GALNT17: variants seen among roughly 807,000 people sequenced by gnomAD.
GALNT17 encodes the protein UDP-GalNAc:polypeptide N-acetylgalactosaminyltransferase-like 3.
Under a neutral mutation model 63.7 loss-of-function variants are expected in GALNT17, and 29 were observed. That is an observed-to-expected ratio of 0.46 (90% CI 0.34 to 0.62). GALNT17 has a LOEUF of 0.62. Among genes scored for constraint, GALNT17 ranks in the 20% least tolerant of loss-of-function variants. The pLI is 0.01. For missense variants in GALNT17, 603 were observed against 799.6 expected (o/e 0.75, Z 2.97); for synonymous variants, 305 against 318.3 (o/e 0.96, Z 0.45).
intron 6 of GALNT17, 41 bp from the exon 7 acceptor site, chr7:71,665,370 G>A: frequency 6.4e-7 from 1 of 1,571,232 alleles, no homozygotes; most frequent in Non-Finnish European, 8.6e-7. Flanking sequence ...ATAGCCTCTG[G>A]GAATTTCTTT....
At chr7:71,436,592 G>A (rs868314441) in intron 5 of GALNT17, among the ~76,000 whole-genome samples, 13 of 151,880 alleles carry the variant, frequency 8.6e-5, no homozygotes, top group South Asian at 2.1e-4. Flanking sequence ...CGTGGCGGGC[G>A]CCTGTAGTCC....
intron 4 of GALNT17, among the ~76,000 whole-genome samples, chr7:71,420,451 T>G (rs1786641307): frequency 6.6e-6 from 1 of 152,074 alleles, no homozygotes; most frequent in African/African-American, 2.4e-5. Flanking sequence ...CGGGCAGAAG[T>G]GACCTATTTT....
At chr7:71,447,571 G>C (rs1227199114) in intron 5 of GALNT17, among the ~76,000 whole-genome samples, 1 of 152,120 alleles carries the variant, frequency 6.6e-6, no homozygotes, top group Non-Finnish European at 1.5e-5. Flanking sequence ...ACCTACACCA[G>C]TTCATAATAA....
At chr7:71,607,678 C>T (rs1281186714) in intron 6 of GALNT17, among the ~76,000 whole-genome samples, 1 of 151,928 alleles carries the variant, frequency 6.6e-6, no homozygotes, top group Non-Finnish European at 1.5e-5. Context: ...GATGACCTGC[C>T]AGGGTTGTAA....
chr7:71,230,873 A>G (rs535355379), intron 1 of GALNT17, among the ~76,000 whole-genome samples: 11 of 152,282 alleles, frequency 7.2e-5, no homozygotes, highest in African/African-American at 2.6e-4. Context: ...AACGTCGTCA[A>G]GATCACCTGG....
chr7:71,251,479 A>T (rs1178263986), intron 1 of GALNT17, among the ~76,000 whole-genome samples: 1 of 152,084 alleles, frequency 6.6e-6, no homozygotes, highest in African/African-American at 2.4e-5. Context: ...GCACTATCAT[A>T]ATTCATTGCA....
At chr7:71,600,875 A>G (rs1289885728) in intron 6 of GALNT17, among the ~76,000 whole-genome samples, 2 of 151,958 alleles carry the variant, frequency 1.3e-5, no homozygotes, top group Non-Finnish European at 2.9e-5. Context: ...CAAGCAGTAT[A>G]CACTGCACCA....
chr7:71,256,174 G>A (rs62457810), intron 1 of GALNT17, among the ~76,000 whole-genome samples: 34,344 of 152,114 alleles, frequency 0.23, 4,281 homozygotes, highest in African/African-American at 0.33. Flanking sequence ...GAATCTGCCT[G>A]TGACCCGCAA....
chr7:71,574,025 G>A (rs538340636), intron 6 of GALNT17, among the ~76,000 whole-genome samples: 10 of 152,250 alleles, frequency 6.6e-5, no homozygotes, highest in Non-Finnish European at 1.0e-4. Flanking sequence ...ATTCCATTGC[G>A]TACATGTACA....
intron 6 of GALNT17, among the ~76,000 whole-genome samples, chr7:71,658,090 T>C (rs1282507181): frequency 6.6e-6 from 1 of 152,110 alleles, no homozygotes; most frequent in Non-Finnish European, 1.5e-5. Context: ...TTTTCTTTTG[T>C]AGAGGCTGGT....
intron 6 of GALNT17, 113 bp from the exon 7 acceptor site, chr7:71,665,298 A>T: frequency 8.9e-7 from 1 of 1,123,602 alleles, no homozygotes; most frequent in South Asian, 1.5e-5. Context: ...TTATATATTA[A>T]AATGTATTTT....
At chr7:71,545,123 A>G (rs1042037847) in intron 5 of GALNT17, among the ~76,000 whole-genome samples, 9 of 152,036 alleles carry the variant, frequency 5.9e-5, no homozygotes, top group Non-Finnish European at 1.2e-4. Context: ...TAATGCACTA[A>G]AGGGTAATCT....
intron 5 of GALNT17, among the ~76,000 whole-genome samples, chr7:71,567,845 T>C (rs1007589189): frequency 1.1e-4 from 17 of 152,324 alleles, no homozygotes; most frequent in Non-Finnish European, 1.2e-4. Flanking sequence ...AGCGTTTAAC[T>C]ACACATTTCA....
chr7:71,442,055 G>A (rs1175035434), intron 5 of GALNT17, among the ~76,000 whole-genome samples: 6 of 152,118 alleles, frequency 3.9e-5, no homozygotes, highest in African/African-American at 9.7e-5. Context: ...TGGAGGAATC[G>A]CCACACTGTC....
At chr7:71,459,940 C>A (rs1046007211) in intron 5 of GALNT17, among the ~76,000 whole-genome samples, 3 of 152,302 alleles carry the variant, frequency 2.0e-5, no homozygotes, top group East Asian at 3.9e-4. Flanking sequence ...ACACACTCAA[C>A]CAGTTGTCAA....
At chr7:71,166,161 A>G (rs1410072415) in intron 1 of GALNT17, among the ~76,000 whole-genome samples, 2 of 152,284 alleles carry the variant, frequency 1.3e-5, no homozygotes, top group East Asian at 3.9e-4. Context: ...GTTGGCGCTC[A>G]ATGTAGAGCA....
intron 1 of GALNT17, among the ~76,000 whole-genome samples, chr7:71,285,764 G>A (rs2115782471): frequency 6.6e-6 from 1 of 152,264 alleles, no homozygotes; most frequent in Admixed American, 6.5e-5. Context: ...ATGTGCTGGT[G>A]CCTTGGTCTT....
chr7:71,503,122 A>G (rs1159595800), intron 5 of GALNT17, among the ~76,000 whole-genome samples: 1 of 152,132 alleles, frequency 6.6e-6, no homozygotes, highest in East Asian at 1.9e-4. Flanking sequence ...CACAGCTATT[A>G]AATGCTGAAA....
chr7:71,578,584 G>C (rs1789577351), intron 6 of GALNT17, among the ~76,000 whole-genome samples: 1 of 152,096 alleles, frequency 6.6e-6, no homozygotes, highest in Non-Finnish European at 1.5e-5. Flanking sequence ...TCAAGGGACT[G>C]TTCCATCTCA....
Sources: allele counts gnomAD v4.1 joint callset (sites outside exome capture counted in the v4.1 genomes callset), GRCh38; gene constraint gnomAD v4.1.1; transcripts MANE v1.5; gene names NCBI Gene and HGNC (gene_info 2026-07-23, HGNC 2026-07-21).